Variants in ROBO1 observed in about 807,000 individuals in gnomAD.
The protein encoded by ROBO1 is roundabout homolog 1.
A neutral mutation model predicts 195.9 loss-of-function variants in ROBO1; 149 were observed. The observed-to-expected ratio is 0.76, with a 90% CI of 0.67 to 0.87. The LOEUF is 0.87. Among genes scored for constraint, ROBO1 ranks in the 40% least tolerant of loss-of-function variants. The pLI is 0.00. For synonymous variants in ROBO1, 816 were observed against 733.2 expected, an observed-to-expected ratio of 1.11 and a Z score of -1.82; for missense variants, 1,933 against 2,068.3, an observed-to-expected ratio of 0.93 and a Z score of 1.27.
rs572499227 is a variant in ROBO1, at chr3:79,173,241, T to C, written c.89-47702A>G. ...ACCTGGGCTCCCACTTTGGTGGCACTTGAGGAGCCCTTCAGCCCACCGCTG... is the reference window on the plus strand; with the variant it reads ...ACCTGGGCTCCCACTTTGGTGGCACCTGAGGAGCCCTTCAGCCCACCGCTG... On this transcript the variant is annotated intron_variant, in intron 2 of 30. Transcript: ENST00000464233. Among the ~76,000 whole-genome samples, 15 of 152,192 alleles carry C rather than the reference T, an allele frequency of 9.9e-5. No individual in the cohort carries two copies. The East Asian group carries it at 2.9e-3, about 30-fold the overall frequency.
intron 5 of ROBO1, among the ~76,000 whole-genome samples, chr3:78,737,291 T>C (rs1292688358): frequency 6.6e-6 from 1 of 152,182 alleles, no homozygotes; most frequent in African/African-American, 2.4e-5. Flanking sequence ...ATTTATATCA[T>C]CTTCTTGCTT....
At chr3:79,588,333 T>C (rs1206273057) in intron 2 of ROBO1, among the ~76,000 whole-genome samples, 1 of 151,682 alleles carries the variant, frequency 6.6e-6, no homozygotes, top group Non-Finnish European at 1.5e-5. Context: ...CCATATATAT[T>C]CATACATGCA....
At chr3:79,410,653 A>G (rs1237193445) in intron 2 of ROBO1, among the ~76,000 whole-genome samples, 1 of 150,804 alleles carries the variant, frequency 6.6e-6, no homozygotes, top group African/African-American at 2.4e-5. Context: ...AGGGGTGGAG[A>G]GAGGGAGGGA....
chr3:78,807,130 G>A (rs2084569577), intron 4 of ROBO1, among the ~76,000 whole-genome samples: 1 of 152,104 alleles, frequency 6.6e-6, no homozygotes, highest in Non-Finnish European at 1.5e-5. Flanking sequence ...TTCAATAAAG[G>A]ACATTGCATT....
intron 1 of ROBO1, among the ~76,000 whole-genome samples, chr3:79,704,144 C>CT (rs1947699328): frequency 6.6e-6 from 1 of 151,924 alleles, no homozygotes; most frequent in South Asian, 2.1e-4. Flanking sequence ...TGTACACAGG[C>CT]ATAGCCTCCC....
chr3:79,055,850 C>A (rs2078797464), intron 3 of ROBO1, among the ~76,000 whole-genome samples: 1 of 152,058 alleles, frequency 6.6e-6, no homozygotes, highest in South Asian at 2.1e-4. Context: ...CTGACACACC[C>A]ATTTGGATTC....
intron 1 of ROBO1, among the ~76,000 whole-genome samples, chr3:79,646,250 G>C (rs1040970963): frequency 4.6e-5 from 7 of 152,040 alleles, no homozygotes; most frequent in African/African-American, 9.7e-5. Context: ...ATGGACAAAA[G>C]ATCTGAATAG....
chr3:79,674,092 AATG>A (rs1330061620), intron 1 of ROBO1, among the ~76,000 whole-genome samples: 2 of 152,040 alleles, frequency 1.3e-5, no homozygotes, highest in Non-Finnish European at 2.9e-5. Flanking sequence ...CTGACATTTT[AATG>A]ATATTTATGA....
chr3:78,903,118 C>A (rs1202629680), intron 4 of ROBO1, among the ~76,000 whole-genome samples: 1 of 152,040 alleles, frequency 6.6e-6, no homozygotes, highest in Non-Finnish European at 1.5e-5. Context: ...ATATTTGATT[C>A]TCTTCAAATA....
chr3:79,349,406 C>T (rs927183050), intron 2 of ROBO1, among the ~76,000 whole-genome samples: 4 of 152,024 alleles, frequency 2.6e-5, no homozygotes, highest in African/African-American at 9.7e-5. Context: ...CAGATTCAAC[C>T]CAATCCCTAT....
At chr3:79,724,412 C>T (rs1702825622) in intron 1 of ROBO1, among the ~76,000 whole-genome samples, 1 of 152,328 alleles carries the variant, frequency 6.6e-6, no homozygotes, top group Middle Eastern at 3.4e-3. Flanking sequence ...ATACTTCTCT[C>T]TTCTTGAGTA....
chr3:78,733,408 T>TA (rs1365584375), intron 5 of ROBO1, among the ~76,000 whole-genome samples: 1 of 152,058 alleles, frequency 6.6e-6, no homozygotes, highest in Non-Finnish European at 1.5e-5. Context: ...TGTTTTTTTT[T>TA]AAAGATTACA....
At chr3:78,972,031 G>A (rs1031539580) in intron 3 of ROBO1, among the ~76,000 whole-genome samples, 1 of 152,184 alleles carries the variant, frequency 6.6e-6, no homozygotes, top group Non-Finnish European at 1.5e-5. Context: ...CTCCCAAAGT[G>A]CTGGGATTAC....
intron 4 of ROBO1, among the ~76,000 whole-genome samples, chr3:78,769,617 G>GTTTTTTTTTTTTTTTTTTT (rs1559836189): frequency 2.7e-5 from 2 of 72,924 alleles, no homozygotes; most frequent in African/African-American, 9.2e-5. Context: ...AGTGTACTTT[G>GTTTTTTTTTTTTTTTTTTT]GTTTTTTTTT....
chr3:78,614,440 T>C (rs78095039), intron 28 of ROBO1, among the ~76,000 whole-genome samples: 4,941 of 152,282 alleles, frequency 0.032, 230 homozygotes, highest in African/African-American at 0.1. Context: ...GTTTTGTTTT[T>C]TTAAATAACA....
intron 2 of ROBO1, among the ~76,000 whole-genome samples, chr3:79,483,044 C>T (rs763314063): frequency 6.6e-5 from 10 of 152,256 alleles, no homozygotes; most frequent in Admixed American, 2.6e-4. Context: ...TGGAATAGAG[C>T]GACTTCTCCA....
intron 1 of ROBO1, among the ~76,000 whole-genome samples, chr3:79,736,288 A>G (rs771504829): frequency 3.3e-5 from 5 of 152,224 alleles, no homozygotes; most frequent in Non-Finnish European, 7.3e-5. Flanking sequence ...AGAGGAGAAC[A>G]TGAACAAATG....
intron 2 of ROBO1, among the ~76,000 whole-genome samples, chr3:79,455,347 G>T (rs2039583071): frequency 6.6e-6 from 1 of 151,948 alleles, no homozygotes; most frequent in African/African-American, 2.4e-5. Flanking sequence ...TAACTGTTCT[G>T]CCATTTCCTG....
At chr3:79,634,798 T>C (rs765203543) in intron 1 of ROBO1, among the ~76,000 whole-genome samples, 14 of 152,324 alleles carry the variant, frequency 9.2e-5, no homozygotes, top group Non-Finnish European at 1.9e-4. Context: ...AAAAATACTC[T>C]TGTTGTGCCT....
Sources: gnomAD v4.1 joint callset for allele counts (sites outside exome capture counted in the v4.1 genomes callset) on GRCh38, gnomAD v4.1.1 for gene constraint, MANE v1.5 for transcripts, NCBI Gene and HGNC (gene_info 2026-07-23, HGNC 2026-07-21) for gene names.